Variants in RABEP1 observed in about 807,000 individuals in gnomAD.
RABEP1 encodes the protein rab GTPase-binding effector protein 1.
A neutral mutation model predicts 123.4 loss-of-function variants in RABEP1; 51 were observed. That is an observed-to-expected ratio of 0.41 (90% CI 0.33 to 0.52). The LOEUF is 0.52. Among genes scored for constraint, RABEP1 ranks in the 20% least tolerant of loss-of-function variants. The probability of loss-of-function intolerance (pLI) is 0.16; values close to 1 mark genes in which losing one functional copy is unlikely to be tolerated. For missense variants in RABEP1, 888 were observed against 996.3 expected (o/e 0.89, Z 1.46); for synonymous variants, 347 against 355.2 (o/e 0.98, Z 0.26).
chr17:5,337,918 A>C (rs1907242411), intron 4 of RABEP1, 101 bp from the exon 5 acceptor site: 1 of 1,303,964 alleles, frequency 7.7e-7, no homozygotes, highest in Admixed American at 2.6e-5. Flanking sequence ...GTGTCTGGTC[A>C]AGTTACTTGT....
chr17:5,372,372 A>G (rs1286212987), intron 12 of RABEP1, among the ~76,000 whole-genome samples: 2 of 151,962 alleles, frequency 1.3e-5, no homozygotes, highest in African/African-American at 2.4e-5. Flanking sequence ...TTGAACCGGG[A>G]CTCGGGAGGT....
At chr17:5,309,509 T>C (rs1193074850) in intron 2 of RABEP1, among the ~76,000 whole-genome samples, 1 of 151,876 alleles carries the variant, frequency 6.6e-6, no homozygotes, top group Non-Finnish European at 1.5e-5. Context: ...CAAAATTAGC[T>C]GGGCATGGTG....
chr17:5,342,646 A>C lies in RABEP1; in HGVS notation c.649-4144A>C, dbSNP rs545655553. On this transcript the variant is annotated intron_variant, in intron 5 of 17. Transcript: ENST00000537505. The stretch of plus-strand genomic sequence containing the variant: ...TATAAAGTAGACATTGTATCCCCAA[A>C]TTTTTAAATTTTACTTAAATTTCAA... 3.3e-5 allele frequency among the ~76,000 whole-genome samples: 5 copies of C among 152,318 alleles called. No individual in the cohort carries two copies. The East Asian group carries it at 9.6e-4, about 29-fold the overall frequency.
At chr17:5,307,259 G>A (rs1012936150) in intron 1 of RABEP1, among the ~76,000 whole-genome samples, 8 of 152,264 alleles carry the variant, frequency 5.3e-5, no homozygotes, top group Admixed American at 2.0e-4. Flanking sequence ...CAGAATTTGC[G>A]GTGAGCCGAG....
At chr17:5,363,813 T>C (rs1247370757) in intron 10 of RABEP1, among the ~76,000 whole-genome samples, 1 of 152,222 alleles carries the variant, frequency 6.6e-6, no homozygotes, top group African/African-American at 2.4e-5. Context: ...TAAGCTTTGG[T>C]AGATTTGGTA....
At chr17:5,316,349 C>T (rs1374873045) in intron 2 of RABEP1, among the ~76,000 whole-genome samples, 1 of 143,892 alleles carries the variant, frequency 6.9e-6, no homozygotes, top group Non-Finnish European at 1.5e-5. Context: ...ACTCAGGAGG[C>T]TGAGGCAGGA....
rs779663359 is a variant in RABEP1, at chr17:5,332,062, A to G, written c.277A>G (p.Thr93Ala). ...AEMENIKAIA[T>A]VSENTKQEAI... ...GATGGAGAATATTAAGGCGATTGCC[A>G]CAGTCTCTGAGAACACCAAGCAAGA... Residue 93 changes from threonine to alanine, a missense_variant, in exon 3 of 18, where the codon ACA (threonine) becomes GCA (alanine). Thr to Ala is a moderately conservative substitution (Grantham distance 58, BLOSUM62 0). Transcript: ENST00000537505. 6.2e-7 allele frequency: 1 copy of G among 1,614,164 alleles called. No individual in the cohort carries two copies. The highest frequency in any genetic ancestry group is 1.1e-5 in the South Asian group (1 of 91,072).
chr17:5,335,060 T>A, intron 3 of RABEP1, 124 bp from the exon 4 acceptor site: 2 of 727,912 alleles, frequency 2.7e-6, no homozygotes, highest in Non-Finnish European at 4.3e-6. Context: ...TCTTGTTTTT[T>A]AGTGAATTAA....
At chr17:5,343,663 C>CTT (rs1907810071) in intron 5 of RABEP1, among the ~76,000 whole-genome samples, 1 of 124,058 alleles carries the variant, frequency 8.1e-6, no homozygotes, top group African/African-American at 3.3e-5. Flanking sequence ...TTCTTTCTTT[C>CTT]TTTTCTCTTT....
At chr17:5,331,028 T>C (rs12938457) in intron 2 of RABEP1, among the ~76,000 whole-genome samples, 1 of 75,388 alleles carries the variant, frequency 1.3e-5, no homozygotes, top group East Asian at 6.8e-4. Context: ...ATCTCTTAAC[T>C]TTTTTTTTTT....
intron 8 of RABEP1, among the ~76,000 whole-genome samples, chr17:5,358,867 C>A (rs1278313690): frequency 1.3e-5 from 2 of 152,064 alleles, no homozygotes; most frequent in Admixed American, 1.3e-4. Context: ...CTCAAGCAAT[C>A]CTCCTGCCTC....
chr17:5,378,030 T>C, intron 14 of RABEP1, 147 bp from the exon 15 acceptor site: 1 of 610,028 alleles, frequency 1.6e-6, no homozygotes, highest in East Asian at 2.9e-5. Context: ...ATATGCTGAT[T>C]GCTTGGTGGT....
rs1261875632 is a variant in RABEP1 at position 5,308,751 on chromosome 17, C to T, written c.92C>T (p.Ala31Val). The part of the protein sequence containing the change: ...LEKINAEFLR[A>V]QQQLEQEFNQ... ...AAAATTAATGCAGAATTTTTACGTG[C>T]ACAACAGCAGCTTGAACAAGAATTT... Residue 31 changes from alanine (A) to valine (V), a missense_variant, in exon 2 of 18, where the codon GCA (alanine) becomes GTA (valine). By Grantham distance (64) the Ala-to-Val change is moderately conservative. Transcript: ENST00000537505. 3.1e-6 allele frequency: 5 copies of T among 1,612,252 alleles called. No homozygotes were observed. The highest frequency in any genetic ancestry group is 4.2e-6 in the Non-Finnish European group (5 of 1,178,870).
At chr17:5,306,761 T>C (rs976470996) in intron 1 of RABEP1, among the ~76,000 whole-genome samples, 4 of 120,234 alleles carry the variant, frequency 3.3e-5, no homozygotes, top group Non-Finnish European at 6.8e-5. Flanking sequence ...TGATTGCTAC[T>C]TTTTTTTGTT....
chr17:5,370,210 GTA>G (rs1350795158), intron 12 of RABEP1, among the ~76,000 whole-genome samples: 1 of 152,150 alleles, frequency 6.6e-6, no homozygotes, highest in Non-Finnish European at 1.5e-5. Context: ...GTCTTTCTGT[GTA>G]TGTTTGTAGG....
intron 2 of RABEP1, among the ~76,000 whole-genome samples, chr17:5,319,922 C>T (rs985350320): frequency 7.2e-5 from 11 of 152,112 alleles, no homozygotes; most frequent in Non-Finnish European, 1.0e-4. Context: ...AATTGTTGGT[C>T]TTCAAGAGGG....
At chr17:5,374,072 CTT>C (rs1247650669) in intron 13 of RABEP1, among the ~76,000 whole-genome samples, 1 of 152,022 alleles carries the variant, frequency 6.6e-6, no homozygotes, top group East Asian at 1.9e-4. Context: ...AAAGATGACA[CTT>C]TTGTTTCTTT....
chr17:5,314,282 G>T (rs565066055), intron 2 of RABEP1, among the ~76,000 whole-genome samples: 8 of 54,932 alleles, frequency 1.5e-4, no homozygotes, highest in African/African-American at 5.7e-4. Context: ...TTGCTCTGTT[G>T]CCCAGGCTGG....
rs1911952019 is a variant in RABEP1 at position 5,386,199 on chromosome 17, G to A, written c.*2976G>A. On this transcript the variant is annotated 3_prime_UTR_variant, in exon 18 of 18. Transcript: ENST00000537505. ...TCAGTTCAGGTGTGAGTCAGCTCCT[G>A]GTGGTGTCAGAAGTTTACATGATTG... The A allele has an allele frequency of 6.2e-7, 1 of 1,610,278 alleles. No individual in the cohort carries two copies. The highest frequency in any genetic ancestry group is 8.5e-7 in the Non-Finnish European group (1 of 1,177,302).
Sources: allele counts gnomAD v4.1 joint callset (sites outside exome capture counted in the v4.1 genomes callset), GRCh38; gene constraint gnomAD v4.1.1; transcripts MANE v1.5; gene names NCBI Gene and HGNC (gene_info 2026-07-23, HGNC 2026-07-21).